DPP10: variants seen among roughly 807,000 people sequenced by gnomAD.
DPP10 encodes inactive dipeptidyl peptidase 10.
In DPP10, 33 loss-of-function variants were observed where a neutral mutation model predicts 120.9. The ratio of observed to expected loss-of-function variants is 0.27; its 90% CI spans 0.21 to 0.37. The LOEUF is 0.37. DPP10 is among the 10% of genes least tolerant of loss of function. The pLI is 1.00. For synonymous variants in DPP10, 337 were observed against 326.1 expected (o/e 1.03, Z -0.36); for missense variants, 816 against 942.8 (o/e 0.87, Z 1.76).
At chr2:114,494,980 T>C (rs1407641389) in intron 1 of DPP10, among the ~76,000 whole-genome samples, 1 of 152,014 alleles carries the variant, frequency 6.6e-6, no homozygotes, top group Non-Finnish European at 1.5e-5. Flanking sequence ...GTGGAGAAGT[T>C]TTCTATCAGC....
At chr2:114,801,779 T>C (rs183475450) in intron 1 of DPP10, among the ~76,000 whole-genome samples, 4 of 152,360 alleles carry the variant, frequency 2.6e-5, no homozygotes, top group African/African-American at 9.6e-5. Context: ...TTCGGCCTCA[T>C]GTGGATCAAG....
chr2:114,767,207 C>CAAAAAAAAGAAAAAAA (rs1680798323), intron 1 of DPP10, among the ~76,000 whole-genome samples: 1 of 33,060 alleles, frequency 3.0e-5, no homozygotes, highest in Non-Finnish European at 5.0e-5. Flanking sequence ...AGGATAAAAG[C>CAAAAAAAAGAAAAAAA]AAAAAAAAAA....
At chr2:114,940,976 A>G (rs569082555) in intron 1 of DPP10, among the ~76,000 whole-genome samples, 4 of 152,292 alleles carry the variant, frequency 2.6e-5, no homozygotes, top group South Asian at 2.1e-4. Flanking sequence ...TTACAATGGG[A>G]CTATTGTCAG....
chr2:115,673,742 G>A (rs2090075035), intron 5 of DPP10, among the ~76,000 whole-genome samples: 1 of 152,190 alleles, frequency 6.6e-6, no homozygotes, highest in Non-Finnish European at 1.5e-5. Context: ...GGTTCTGACT[G>A]TGATATAGCA....
chr2:114,726,951 T>G lies in DPP10; in HGVS notation c.60+284113T>G, dbSNP rs560487165. Among the ~76,000 whole-genome samples the G allele has an allele frequency of 5.9e-5, 9 of 152,348 alleles. No individual in the cohort carries two copies. The South Asian group carries it at 1.9e-3, about 32-fold the overall frequency. ...ATGCATAGTCTATCTTCATGCATGC[T>G]TTCAGAAGGACATTTCTCAGAGAGA... On this transcript the variant is annotated intron_variant, in intron 1 of 25. Coordinates refer to ENST00000410059, the MANE Select transcript of DPP10 (RefSeq NM_020868.6).
chr2:114,932,018 T>G (rs1395049164), intron 1 of DPP10, among the ~76,000 whole-genome samples: 1 of 152,244 alleles, frequency 6.6e-6, no homozygotes, highest in Non-Finnish European at 1.5e-5. Flanking sequence ...TAGGCTAGTT[T>G]AAGCCAAAGT....
At chr2:115,771,276 G>A (rs1031247892) in intron 13 of DPP10, among the ~76,000 whole-genome samples, 1 of 151,872 alleles carries the variant, frequency 6.6e-6, no homozygotes, top group Non-Finnish European at 1.5e-5. Flanking sequence ...GTTTCACCGT[G>A]TTGCCCAGGC....
At chr2:115,757,240 A>G (rs567416228) in intron 11 of DPP10, among the ~76,000 whole-genome samples, 12 of 152,144 alleles carry the variant, frequency 7.9e-5, no homozygotes, top group Admixed American at 4.6e-4. Flanking sequence ...AATACAAGAG[A>G]CAACATTTTA....
intron 1 of DPP10, among the ~76,000 whole-genome samples, chr2:114,515,812 T>A (rs934415030): frequency 2.5e-4 from 38 of 152,254 alleles, no homozygotes; most frequent in African/African-American, 8.4e-4. Context: ...ATCAACCTTT[T>A]TTTTTTTCTA....
intron 3 of DPP10, among the ~76,000 whole-genome samples, chr2:115,424,829 T>G (rs905362781): frequency 2.0e-5 from 3 of 152,202 alleles, no homozygotes; most frequent in African/African-American, 7.2e-5. Flanking sequence ...GGCATATTAT[T>G]TATTCCTAAG....
chr2:115,152,366 G>A (rs2051613261), intron 1 of DPP10, among the ~76,000 whole-genome samples: 1 of 152,172 alleles, frequency 6.6e-6, no homozygotes, highest in South Asian at 2.1e-4. Context: ...TGGTCCATAG[G>A]AATTTCATTC....
chr2:115,469,883 A>AG lies in DPP10; in HGVS notation c.272-29626dup, dbSNP rs1485741281. 7.7e-4 allele frequency among the ~76,000 whole-genome samples: 90 copies of AG among 116,844 alleles called. 4 individuals are homozygous for AG. The highest frequency in any genetic ancestry group is 1.6e-3 in the Admixed American group (18 of 11,188). 76.7% of individuals were successfully genotyped at this position (116,844 alleles called of 152,430 possible). A position where few individuals can be genotyped will look rare whatever the true frequency, so the allele number is the denominator to read the frequency against. On this transcript the variant is annotated intron_variant, in intron 3 of 25. Coordinates refer to ENST00000410059, the MANE Select transcript of DPP10 (RefSeq NM_020868.6). Reference sequence around the variant, plus strand: ...ATTGCACTCCAGCCTGGGCAACAAGAGAAAAAAAAAAAAAAAGAAAAAAAA... The same window carrying AG: ...ATTGCACTCCAGCCTGGGCAACAAGAGGAAAAAAAAAAAAAAAGAAAAAAAA...
chr2:114,804,113 G>A (rs1684513213), intron 1 of DPP10, among the ~76,000 whole-genome samples: 1 of 152,238 alleles, frequency 6.6e-6, no homozygotes, highest in Admixed American at 6.5e-5. Flanking sequence ...TTGGGCTGTA[G>A]GGGCTGTGGC....
chr2:115,744,937 G>A (rs754016485), intron 9 of DPP10, among the ~76,000 whole-genome samples: 1 of 150,074 alleles, frequency 6.7e-6, no homozygotes, highest in Non-Finnish European at 1.5e-5. Flanking sequence ...AAGGATAATG[G>A]CATATTGTTT....
chr2:114,971,417 A>G (rs1462814304), intron 1 of DPP10, among the ~76,000 whole-genome samples: 3 of 152,120 alleles, frequency 2.0e-5, no homozygotes, highest in Non-Finnish European at 4.4e-5. Flanking sequence ...AATCACCACC[A>G]CTTGCTCACT....
At chr2:114,603,152 TA>T (rs1178698109) in intron 1 of DPP10, among the ~76,000 whole-genome samples, 1 of 152,042 alleles carries the variant, frequency 6.6e-6, no homozygotes, top group Non-Finnish European at 1.5e-5. Context: ...ATTGTAATAA[TA>T]AAAATGATTT....
chr2:115,461,061 A>G (rs898482982), intron 3 of DPP10, among the ~76,000 whole-genome samples: 2 of 152,190 alleles, frequency 1.3e-5, no homozygotes, highest in African/African-American at 4.8e-5. Flanking sequence ...ATGAATTTAA[A>G]AAGTTGTTAT....
At chr2:115,127,624 A>G (rs2104768556) in intron 1 of DPP10, among the ~76,000 whole-genome samples, 1 of 152,386 alleles carries the variant, frequency 6.6e-6, no homozygotes, top group South Asian at 2.1e-4. Context: ...GTAGTCCAAA[A>G]AGAAAGAATA....
chr2:115,538,994 T>G (rs1055445502), intron 5 of DPP10, among the ~76,000 whole-genome samples: 2 of 152,030 alleles, frequency 1.3e-5, no homozygotes, highest in South Asian at 2.1e-4. Context: ...CAGTTACTCT[T>G]TATTTTCTAT....
Sources: gnomAD v4.1 joint callset for allele counts (sites outside exome capture counted in the v4.1 genomes callset) on GRCh38, gnomAD v4.1.1 for gene constraint, MANE v1.5 for transcripts, NCBI Gene and HGNC (gene_info 2026-07-23, HGNC 2026-07-21) for gene names.